SYS1: variants seen among roughly 807,000 people sequenced by gnomAD.
SYS1 encodes the protein protein SYS1 homolog.
In SYS1, 8 loss-of-function variants were observed where a neutral mutation model predicts 17.8. The ratio of observed to expected loss-of-function variants is 0.45; its 90% confidence interval spans 0.26 to 0.81. The LOEUF is 0.81. Among genes scored for constraint, SYS1 ranks in the 40% least tolerant of loss-of-function variants. The pLI, the probability that SYS1 is intolerant of heterozygous loss-of-function variation, is 0.16. For synonymous variants in SYS1, 95 were observed against 90.9 expected (o/e 1.05, Z -0.26); for missense variants, 161 against 203.9 (o/e 0.79, Z 1.28).
At position 45,368,456 on chromosome 20, in the gene SYS1, C is replaced by T; in HGVS notation, c.*1341C>T. 1.0e-6 allele frequency: 1 copy of T among 985,410 alleles called. No individual in the cohort carries two copies. The highest frequency in any genetic ancestry group is 1.2e-6 in the Non-Finnish European group (1 of 829,924). 61.0% of individuals were successfully genotyped at this position (985,410 alleles called of 1,614,324 possible). On this transcript the variant is annotated 3_prime_UTR_variant, in exon 4 of 4. Coordinates refer to ENST00000243918, the MANE Select transcript of SYS1 (RefSeq NM_033542.4). ...CTCTTTGGTTTCTTCAGAGCTTTCCCAAGAGAGCTGTCAGTTTTCAGCTGT... is the reference window on the plus strand; with the variant it reads ...CTCTTTGGTTTCTTCAGAGCTTTCCTAAGAGAGCTGTCAGTTTTCAGCTGT...
chr20:45,365,612 C>G lies in SYS1; in HGVS notation c.163-7C>G. On this transcript the variant is annotated splice_region_variant and splice_polypyrimidine_tract_variant and intron_variant, in intron 2 of 3. Transcript: ENST00000243918. The stretch of plus-strand genomic sequence containing the variant: ...CCAGTATATTTCCATTTGTGATTCC[C>G]CCTCAGATCCTGGGCTTTTCCACCC... The G allele has an allele frequency of 2.5e-6, 4 of 1,614,076 alleles. No homozygotes were observed.
upstream of SYS1, among the ~76,000 whole-genome samples, chr20:45,362,336 A>G (rs1988248135): frequency 7.1e-6 from 1 of 141,710 alleles, no homozygotes; most frequent in African/African-American, 2.7e-5. Flanking sequence ...AGTGTTGAGG[A>G]AACACTTGAA....
chr20:45,375,566 G>A, exon 4 of SYS1: 1 of 1,598,446 alleles, frequency 6.3e-7, no homozygotes, highest in South Asian at 1.1e-5. Context: ...GCAGGGAGAG[G>A]AAAGGCAGTC....
downstream of SYS1, among the ~76,000 whole-genome samples, chr20:45,371,530 G>T (rs191627145): frequency 3.9e-5 from 6 of 152,296 alleles, no homozygotes; most frequent in South Asian, 1.2e-3. Flanking sequence ...CCCCCATTTT[G>T]CAGACAAAGA....
At chr20:45,362,671 T>G (rs1477540075), upstream of SYS1, among the ~76,000 whole-genome samples, 1 of 152,158 alleles carries the variant, frequency 6.6e-6, no homozygotes, top group Non-Finnish European at 1.5e-5. Context: ...CGACCAACAC[T>G]TGAATTTTAA....
At chr20:45,362,516 G>A (rs570208443), upstream of SYS1, among the ~76,000 whole-genome samples, 26 of 152,138 alleles carry the variant, frequency 1.7e-4, no homozygotes, top group African/African-American at 6.0e-4. Context: ...ACAGGCGTGC[G>A]CCACCACGCC....
In SYS1 at chr20:45,363,573, G is replaced by C; in HGVS notation, c.42G>C (p.Leu14=). ...QFRSYVWDPL[L]ILSQIVLMQT... ...GCAGCTACGTGTGGGACCCGCTGCTGATCCTGTCGCAGATCGTCCTCATGC... is the reference window on the plus strand; with the variant it reads ...GCAGCTACGTGTGGGACCCGCTGCTCATCCTGTCGCAGATCGTCCTCATGC... The change falls in exon 2 of 4, where the codon CTG becomes CTC. Residue 14 remains leucine, a synonymous_variant. Coordinates refer to ENST00000243918, the MANE Select transcript of SYS1 (RefSeq NM_033542.4). The C allele has an allele frequency of 2.5e-6, 4 of 1,596,394 alleles. No individual in the cohort carries two copies. Among genetic ancestry groups the C allele is most frequent in the Non-Finnish European group, 3.4e-6 (4 of 1,172,100 alleles).
upstream of SYS1, chr20:45,362,001 T>A: frequency 1.0e-6 from 1 of 985,400 alleles, no homozygotes; most frequent in Non-Finnish European, 1.2e-6. Context: ...ATGAAGTTGA[T>A]GGGTTTTCGT....
At position 45,367,451 on chromosome 20, in the gene SYS1, T is replaced by C. The variant is rs1988453714; in HGVS notation, c.*336T>C. ...TAAGAGAGAAAAAAAATCAAGGATA[T>C]CTGATTGGAGCAAACCACTTCTTTA... is the stretch of plus-strand genomic sequence containing the variant. On this transcript the variant is annotated 3_prime_UTR_variant, in exon 4 of 4. Transcript: ENST00000243918. 1 of 1,132,430 alleles carries C rather than the reference T, an allele frequency of 8.8e-7. No individual in the cohort carries two copies. Among genetic ancestry groups the C allele is most frequent in the Non-Finnish European group, 1.1e-6 (1 of 918,922 alleles). The allele number at this position is 1,132,430 out of a possible 1,614,324, so 70.1% of individuals were successfully genotyped here. A position where few individuals can be genotyped will look rare whatever the true frequency, so the allele number is the denominator to read the frequency against.
chr20:45,369,163 G>A lies in SYS1; in HGVS notation c.*2048G>A, dbSNP rs1215926459. 1 of 152,252 alleles carries A rather than the reference G, an allele frequency of 6.6e-6. No individual in the cohort carries two copies. Among genetic ancestry groups the A allele is most frequent in the Admixed American group, 6.5e-5 (1 of 15,280 alleles). 9.4% of individuals were successfully genotyped at this position (152,252 alleles called of 1,614,324 possible). A position where few individuals can be genotyped will look rare whatever the true frequency, so the allele number is the denominator to read the frequency against. ...CCAGAGAGGGCAGGGCAATGGCAGT[G>A]ACATGTTTGTCATTTTAATAATAAA... is the stretch of plus-strand genomic sequence containing the variant. On this transcript the variant is annotated 3_prime_UTR_variant, in exon 4 of 4. Coordinates refer to ENST00000243918, the MANE Select transcript of SYS1 (RefSeq NM_033542.4).
At chr20:45,365,722 C>A in intron 3 of SYS1, 36 bp downstream of exon 3, 4 of 1,593,300 alleles carry the variant, frequency 2.5e-6, no homozygotes, top group Non-Finnish European at 3.4e-6. Context: ...AGCTTTTGGG[C>A]TCTTAGTGCT....
chr20:45,363,359 C>T (rs1988285165), intron 1 of SYS1, 44 bp downstream of exon 1: 1 of 1,426,276 alleles, frequency 7.0e-7, no homozygotes, highest in African/African-American at 1.4e-5. Flanking sequence ...GGGGGCCGCG[C>T]AGGCGGAATG....
intron 2 of SYS1, 100 bp downstream of exon 2, chr20:45,363,793 TCTTTGTAGCC>T (rs1988309219): frequency 7.8e-7 from 1 of 1,284,528 alleles, no homozygotes; most frequent in Non-Finnish European, 1.1e-6. Context: ...TCACCTTCTT[TCTTTGTAGCC>T]CTGGGAAAGG....
downstream of SYS1, chr20:45,374,157 T>G: frequency 1.4e-6 from 1 of 726,574 alleles, no homozygotes; most frequent in Non-Finnish European, 2.4e-6. Context: ...CCCTTTAAGC[T>G]AGACCCGGTG....
intron 2 of SYS1, among the ~76,000 whole-genome samples, chr20:45,364,714 G>A (rs1015490525): frequency 6.6e-6 from 1 of 151,858 alleles, no homozygotes; most frequent in African/African-American, 2.4e-5. Flanking sequence ...CTCGTGATCC[G>A]CCTGCCTCGG....
At position 45,368,282 on chromosome 20, in the gene SYS1, G is replaced by C. The variant is rs1988483048; in HGVS notation, c.*1167G>C. 1 of 985,250 alleles carries C rather than the reference G, an allele frequency of 1.0e-6. No individual in the cohort carries two copies. Among genetic ancestry groups the C allele is most frequent in the South Asian group, 4.7e-5 (1 of 21,290 alleles). The allele number at this position is 985,250 out of a possible 1,614,324, so 61.0% of individuals were successfully genotyped here. A position where few individuals can be genotyped will look rare whatever the true frequency, so the allele number is the denominator to read the frequency against. ...TCAGTGCAGGGAACTCTTACATCCT[G>C]TCTCCTTCACTTGCAGCGTCCCCTG... On this transcript the variant is annotated 3_prime_UTR_variant, in exon 4 of 4. Transcript: ENST00000243918.
Position 45,363,273 on chromosome 20 carries a change from G to A in SYS1, c.-46G>A. 8.0e-7 allele frequency: 1 copy of A among 1,248,786 alleles called. No individual in the cohort carries two copies. Among genetic ancestry groups the A allele is most frequent in the Non-Finnish European group, 1.0e-6 (1 of 989,964 alleles). The allele number at this position is 1,248,786 out of a possible 1,614,324, so 77.4% of individuals were successfully genotyped here. A position where few individuals can be genotyped will look rare whatever the true frequency, so the allele number is the denominator to read the frequency against. On this transcript the variant is annotated 5_prime_UTR_variant, in exon 1 of 4. Transcript: ENST00000243918. ...GCTGTTTTGGGAGCCCGCCGGTGAG[G>A]CCGGGCCACGCTCAGACACTTCGAT...
downstream of SYS1, chr20:45,372,993 A>G (rs899325228): frequency 1.3e-5 from 2 of 152,334 alleles, no homozygotes; most frequent in African/African-American, 4.8e-5. Context: ...ATCTATCTGC[A>G]TCGCTGCCCT....
chr20:45,362,627 A>G (rs1339367223), upstream of SYS1, among the ~76,000 whole-genome samples: 1 of 152,122 alleles, frequency 6.6e-6, no homozygotes, highest in Non-Finnish European at 1.5e-5. Context: ...CAGCCTCCCA[A>G]AGTGCTGGGA....
Sources: gnomAD v4.1 joint callset for allele counts (sites outside exome capture counted in the v4.1 genomes callset) on GRCh38, gnomAD v4.1.1 for gene constraint, MANE v1.5 for transcripts, NCBI Gene and HGNC (gene_info 2026-07-23, HGNC 2026-07-21) for gene names.